KIT: variants seen among roughly 807,000 people sequenced by gnomAD.
KIT encodes the protein KIT proto-oncogene, receptor tyrosine kinase, also known as mast/stem cell growth factor receptor Kit.
A neutral mutation model predicts 105.7 loss-of-function variants in KIT; 16 were observed. The observed-to-expected ratio is 0.15, with a 90% CI of 0.10 to 0.23. The LOEUF (loss-of-function observed/expected upper bound fraction) is 0.23. Ranked by LOEUF, KIT falls within the 10% of genes least tolerant of loss-of-function variation. The pLI, the probability that KIT is intolerant of heterozygous loss-of-function variation, is 1.00. For missense variants in KIT, 858 were observed against 1,213.8 expected (o/e 0.71, Z 4.36); for synonymous variants, 438 against 441.1 (o/e 0.99, Z 0.09).
chr4:54,678,346 T>TTCCC (rs1307628614), intron 1 of KIT, among the ~76,000 whole-genome samples: 7 of 78,966 alleles, frequency 8.9e-5, no homozygotes, highest in East Asian at 3.8e-4. Flanking sequence ...CCTTCCTTCC[T>TTCCC]TCCTTCCCTC....
At position 54,728,092 on chromosome 4, in the gene KIT, T is replaced by C. The variant is rs121913523; in HGVS notation, c.1961T>C (p.Val654Ala). 6.2e-7 allele frequency: 1 copy of C among 1,613,672 alleles called. No individual in the cohort carries two copies. The highest frequency in any genetic ancestry group is 8.5e-7 in the Non-Finnish European group (1 of 1,179,646). The stretch of plus-strand genomic sequence containing the variant: ...TACCTTGGTAATCACATGAATATTG[T>C]GAATCTACTTGGAGCCTGCACCATT... ...LSYLGNHMNI[V>A]NLLGACTIGG... Residue 654 changes from valine to alanine, a missense_variant, in exon 13 of 21, where the codon GTG becomes GCG. By Grantham distance (64) the Val-to-Ala change is moderately conservative. Around this residue, in one of 7 missense-constraint regions of KIT, gnomAD observed 158 missense variants for 218.7 expected, o/e 0.72. Transcript: ENST00000288135.
intron 16 of KIT, among the ~76,000 whole-genome samples, 159 bp from the exon 17 acceptor site, chr4:54,732,911 C>A (rs1321747616): frequency 6.6e-6 from 1 of 152,058 alleles, no homozygotes; most frequent in Admixed American, 6.6e-5. Context: ...TCATTCAAGG[C>A]GTACTTTTGA....
At chr4:54,682,533 A>T (rs1399785965) in intron 1 of KIT, among the ~76,000 whole-genome samples, 2 of 151,408 alleles carry the variant, frequency 1.3e-5, no homozygotes, top group Non-Finnish European at 2.9e-5. Flanking sequence ...GGTTCAAGTG[A>T]TCCTCCTCCC....
In KIT at chr4:54,738,801, T is replaced by G; in HGVS notation, c.*244T>G. 1.6e-6 allele frequency: 1 copy of G among 608,648 alleles called. No individual in the cohort carries two copies. The highest frequency in any genetic ancestry group is 2.9e-6 in the Non-Finnish European group (1 of 342,696). 37.7% of individuals were successfully genotyped at this position (608,648 alleles called of 1,614,324 possible). A position where few individuals can be genotyped will look rare whatever the true frequency, so the allele number is the denominator to read the frequency against. The stretch of plus-strand genomic sequence containing the variant: ...AGCTTCTACCATGAACAGAAAACAT[T>G]CTGATTTGGAAAAAGAGAGGGAGGT... On this transcript the variant is annotated 3_prime_UTR_variant, in exon 21 of 21. Transcript: ENST00000288135.
intron 9 of KIT, among the ~76,000 whole-genome samples, chr4:54,726,597 CAAAG>C (rs1397914807): frequency 2.6e-5 from 4 of 152,080 alleles, no homozygotes; most frequent in Admixed American, 6.6e-5. Context: ...AGTGGGAAGA[CAAAG>C]AAACTGGGCA....
At chr4:54,700,371 A>G (rs1164715580) in intron 4 of KIT, among the ~76,000 whole-genome samples, 5 of 152,208 alleles carry the variant, frequency 3.3e-5, no homozygotes, top group Non-Finnish European at 4.4e-5. Context: ...ACATCTGGGC[A>G]TGCTTACGTT....
At chr4:54,677,905 T>G (rs1718596294) in intron 1 of KIT, among the ~76,000 whole-genome samples, 1 of 152,212 alleles carries the variant, frequency 6.6e-6, no homozygotes, top group Non-Finnish European at 1.5e-5. Flanking sequence ...AGATTGGGGT[T>G]TCAAGACCTA....
chr4:54,671,298 G>C (rs1718092621), intron 1 of KIT, among the ~76,000 whole-genome samples: 1 of 152,098 alleles, frequency 6.6e-6, no homozygotes, highest in Admixed American at 6.5e-5. Flanking sequence ...TGCTGCAGAT[G>C]GTATTGTTCT....
chr4:54,677,204 T>C (rs866549450), intron 1 of KIT, among the ~76,000 whole-genome samples: 1 of 152,076 alleles, frequency 6.6e-6, no homozygotes, highest in Non-Finnish European at 1.5e-5. Flanking sequence ...ATATATTACA[T>C]TTTGATTGAG....
In KIT at chr4:54,668,576, C is replaced by T. The variant is rs529162854; in HGVS notation, c.67+10495C>T. Among the ~76,000 whole-genome samples the T allele has an allele frequency of 2.0e-5, 3 of 152,208 alleles. No homozygotes were observed. The South Asian group carries it at 6.2e-4, about 32-fold the overall frequency. On this transcript the variant is annotated intron_variant, in intron 1 of 20. Coordinates refer to ENST00000288135, the MANE Select transcript of KIT (RefSeq NM_000222.3). ...GAGGAATTAGTTAACAGAGTTAGAA[C>T]AAAGGAGAGCATTATCACAAAGAGC...
chr4:54,695,233 C>G (rs913860722), intron 1 of KIT, among the ~76,000 whole-genome samples: 1 of 152,172 alleles, frequency 6.6e-6, no homozygotes, highest in Non-Finnish European at 1.5e-5. Flanking sequence ...AAACTTGACC[C>G]AATTGTATGT....
At chr4:54,714,523 G>A (rs1222441298) in intron 7 of KIT, among the ~76,000 whole-genome samples, 2 of 152,050 alleles carry the variant, frequency 1.3e-5, no homozygotes, top group Non-Finnish European at 2.9e-5. Flanking sequence ...TAAATATTTT[G>A]TAGGTTTATT....
At chr4:54,662,460 G>T (rs906268069) in intron 1 of KIT, among the ~76,000 whole-genome samples, 1 of 152,138 alleles carries the variant, frequency 6.6e-6, no homozygotes, top group Non-Finnish European at 1.5e-5. Context: ...CATAGTACAG[G>T]CTCAATATGT....
chr4:54,704,678 A>G (rs910263574), intron 5 of KIT, among the ~76,000 whole-genome samples: 1 of 152,146 alleles, frequency 6.6e-6, no homozygotes, highest in South Asian at 2.1e-4. Flanking sequence ...TACTTTGTTT[A>G]CAATTTTTTT....
chr4:54,722,849 ATATT>A (rs202141426), intron 7 of KIT, among the ~76,000 whole-genome samples: 8,809 of 142,702 alleles, frequency 0.062, 850 homozygotes, highest in African/African-American at 0.22. Context: ...ATATTTATAT[ATATT>A]TTTATATATA....
chr4:54,722,631 G>A (rs562278089), intron 7 of KIT, among the ~76,000 whole-genome samples: 64 of 151,982 alleles, frequency 4.2e-4, no homozygotes, highest in African/African-American at 1.4e-3. Context: ...TTCTTAGAGG[G>A]TTGGAATCCT....
At chr4:54,697,530 T>A (rs1346357214) in intron 2 of KIT, among the ~76,000 whole-genome samples, 6 of 152,194 alleles carry the variant, frequency 3.9e-5, no homozygotes, top group Non-Finnish European at 8.8e-5. Context: ...TGGTGTCCTG[T>A]CATAAACACT....
rs1459751065 is a variant in KIT at position 54,709,444 on chromosome 4, T to G, written c.1136T>G (p.Leu379Arg). The G allele has an allele frequency of 6.2e-7, 1 of 1,612,502 alleles. No homozygotes were observed. Among genetic ancestry groups the G allele is most frequent in the Non-Finnish European group, 8.5e-7 (1 of 1,178,484 alleles). ...SNIRYVSELH[L>R]TRLKGTEGGT... The stretch of plus-strand genomic sequence containing the variant: ...TGTAGATACGTAAGTGAACTTCATC[T>G]AACGAGATTAAAAGGCACCGAAGGA... Residue 379 changes from leucine to arginine, a missense_variant, in exon 7 of 21, where the codon CTA becomes CGA. Physicochemically the swap from Leu to Arg is moderately radical, Grantham distance 102 (BLOSUM62 -2). Transcript: ENST00000288135.
intron 6 of KIT, among the ~76,000 whole-genome samples, chr4:54,707,914 G>A (rs1022489223): frequency 6.6e-6 from 1 of 152,174 alleles, no homozygotes; most frequent in Non-Finnish European, 1.5e-5. Flanking sequence ...GTACAGAGGG[G>A]TGAAGTAATT....
Sources: gnomAD v4.1 joint callset for allele counts (sites outside exome capture counted in the v4.1 genomes callset) on GRCh38, gnomAD v4.1.1 for gene constraint, gnomAD v4.1.1 regional missense constraint, MANE v1.5 for transcripts, NCBI Gene and HGNC (gene_info 2026-07-23, HGNC 2026-07-21) for gene names.